Variants in RNF214 observed in about 807,000 individuals in gnomAD.
RNF214 encodes ring finger protein 214.
A neutral mutation model predicts 75.9 loss-of-function variants in RNF214; 25 were observed. That is an observed-to-expected ratio of 0.33 (90% CI 0.24 to 0.46). The LOEUF is 0.46. Ranked by LOEUF, RNF214 falls within the 20% of genes least tolerant of loss-of-function variation. RNF214 has a pLI of 1.00. For synonymous variants in RNF214, 314 were observed against 308.8 expected, an observed-to-expected ratio of 1.02 and a Z score of -0.18; for missense variants, 725 against 857.5, an observed-to-expected ratio of 0.85 and a Z score of 1.93.
At chr11:117,272,436 G>T (rs116217134) in intron 6 of RNF214, among the ~76,000 whole-genome samples, 2 of 152,048 alleles carry the variant, frequency 1.3e-5, no homozygotes, top group African/African-American at 2.4e-5. Flanking sequence ...GGGTCAGTTG[G>T]GGGGGTAGGG....
chr11:117,250,532 CA>C lies in RNF214; in HGVS notation c.959+3592del, dbSNP rs576704482. 1.4e-3 allele frequency among the ~76,000 whole-genome samples: 211 copies of C among 149,920 alleles called. 1 individual carries two copies. The highest frequency in any genetic ancestry group is 4.8e-3 in the African/African-American group (195 of 41,014). On this transcript the variant is annotated intron_variant, in intron 6 of 14. Coordinates refer to ENST00000300650, the MANE Select transcript of RNF214 (RefSeq NM_207343.4). The stretch of plus-strand genomic sequence containing the variant: ...GTTAAGTGTCATGATGTAAATGTGG[CA>C]AAAAAAATGCAACAACTGGTAAATT...
chr11:117,255,098 T>C (rs530888289), intron 6 of RNF214, among the ~76,000 whole-genome samples: 164 of 152,286 alleles, frequency 1.1e-3, no homozygotes, highest in African/African-American at 3.4e-3. Context: ...GAACTCCTCT[T>C]CCTCAGAGGT....
Position 117,282,764 on chromosome 11 carries a change from G to A in RNF214, c.1864G>A (p.Ala622Thr), listed in dbSNP as rs773381685. The change falls in exon 13 of 15, where the codon GCC (alanine) becomes ACC (threonine). Residue 622 changes from alanine (A) to threonine (T), a missense_variant. Physicochemically the swap from Ala to Thr is moderately conservative, Grantham distance 58 (BLOSUM62 0). Around this residue, in one of 2 missense-constraint regions of RNF214, gnomAD observed 363 missense variants for 513.0 expected, o/e 0.71. Transcript: ENST00000300650. ...CCTACAGCCACTTGGTCGCATCCGG[G>A]CCTTGTTCCCTGCTCCACTGGCCCA... ...ASTQPLGRIR[A>T]LFPAPLAQIS... is the part of the protein sequence containing the mutation. 1.2e-6 allele frequency: 2 copies of A among 1,614,132 alleles called. No homozygotes were observed. Among genetic ancestry groups the A allele is most frequent in the Admixed American group, 1.7e-5 (1 of 60,020 alleles).
chr11:117,283,991 T>C (rs932044039), intron 14 of RNF214, among the ~76,000 whole-genome samples: 1 of 152,198 alleles, frequency 6.6e-6, no homozygotes, highest in African/African-American at 2.4e-5. Flanking sequence ...CAGTAAATTG[T>C]GGCTTAAACA....
chr11:117,258,639 A>G (rs995454529), intron 6 of RNF214, among the ~76,000 whole-genome samples: 1 of 151,996 alleles, frequency 6.6e-6, no homozygotes, highest in African/African-American at 2.4e-5. Context: ...AAAAATACAT[A>G]AATCTTAAGG....
At chr11:117,283,285 C>G in intron 14 of RNF214, 75 bp downstream of exon 14, 1 of 1,028,572 alleles carries the variant, frequency 9.7e-7, no homozygotes, top group South Asian at 1.4e-5. Context: ...TTCTCATTTT[C>G]TACTCTTTTT....
At chr11:117,241,773 A>G (rs1051164820) in intron 4 of RNF214, among the ~76,000 whole-genome samples, 12 of 152,108 alleles carry the variant, frequency 7.9e-5, no homozygotes, top group Non-Finnish European at 1.0e-4. Flanking sequence ...TTTTGATACT[A>G]TTTTGATACT....
intron 1 of RNF214, among the ~76,000 whole-genome samples, chr11:117,233,228 G>T (rs1221899767): frequency 6.6e-6 from 1 of 152,236 alleles, no homozygotes; most frequent in Non-Finnish European, 1.5e-5. Context: ...ACCGGGCGCA[G>T]AGGACCCCCC....
At chr11:117,250,369 T>G (rs980521284) in intron 6 of RNF214, among the ~76,000 whole-genome samples, 2 of 152,228 alleles carry the variant, frequency 1.3e-5, no homozygotes, top group Non-Finnish European at 2.9e-5. Context: ...GTCAGTGTTA[T>G]GTATTTTGGG....
chr11:117,281,161 A>G (rs1392756339), intron 8 of RNF214, among the ~76,000 whole-genome samples, 153 bp from the exon 9 acceptor site: 1 of 151,540 alleles, frequency 6.6e-6, no homozygotes, highest in Non-Finnish European at 1.5e-5. Flanking sequence ...TTTTTAAGAG[A>G]CAGGGTTTAG....
chr11:117,266,035 A>G (rs1035184086), intron 6 of RNF214, among the ~76,000 whole-genome samples: 1 of 152,238 alleles, frequency 6.6e-6, no homozygotes, highest in Admixed American at 6.5e-5. Context: ...GGTGGTAGAT[A>G]TCAATAGTTT....
In RNF214 at chr11:117,234,311, C is replaced by T. The variant is rs756176465; in HGVS notation, c.39C>T (p.Ala13=). The part of the protein sequence containing the change: ...ASEVAGVVAN[A]PSPPESSSLC... ...AGGTTGCTGGTGTTGTGGCCAATGC[C>T]CCCAGTCCTCCGGAATCTTCTAGTT... The change falls in exon 2 of 15, where the codon GCC becomes GCT. Residue 13 remains alanine, a synonymous_variant. Coordinates refer to ENST00000300650, the MANE Select transcript of RNF214 (RefSeq NM_207343.4). 1.5e-5 allele frequency: 25 copies of T among 1,614,044 alleles called. 1 individual carries two copies. The highest frequency in any genetic ancestry group is 2.1e-5 in the Non-Finnish European group (25 of 1,180,022).
At chr11:117,262,422 C>T (rs1279580694) in intron 6 of RNF214, among the ~76,000 whole-genome samples, 1 of 151,888 alleles carries the variant, frequency 6.6e-6, no homozygotes, top group Non-Finnish European at 1.5e-5. Context: ...GCTTTGTTGC[C>T]CAGGCTGGGA....
rs1172182983 is a variant in RNF214 at position 117,263,108 on chromosome 11, CT to C, written c.959+16171del. ...AGGCGTGAGCCACTACGCCCAGCCA[CT>C]TTTTTTTTTTCCTTTTTATTCAGTC... On this transcript the variant is annotated intron_variant, in intron 6 of 14. Transcript: ENST00000300650. Among the ~76,000 whole-genome samples, 931 of 145,562 alleles carry C rather than the reference CT, an allele frequency of 6.4e-3. 10 individuals carry two copies. The highest frequency in any genetic ancestry group is 9.6e-3 in the Non-Finnish European group (631 of 65,858).
intron 2 of RNF214, among the ~76,000 whole-genome samples, chr11:117,235,353 C>G (rs185433085): frequency 6.6e-6 from 1 of 152,008 alleles, no homozygotes; most frequent in African/African-American, 2.4e-5. Flanking sequence ...CCCGCCACTA[C>G]GCCCGGCTAA....
In RNF214 at chr11:117,239,088, C is replaced by A; in HGVS notation, c.595C>A (p.Leu199Ile). 6.2e-7 allele frequency: 1 copy of A among 1,612,758 alleles called. No individual in the cohort carries two copies. The highest frequency in any genetic ancestry group is 8.5e-7 in the Non-Finnish European group (1 of 1,179,452). ...DDDQDSSSLK[L>I]SQNIAVQTDF... ...TGATCAAGATAGCTCTTCCCTGAAG[C>A]TTTCTCAGAACATTGCTGTACAGGT... Residue 199 changes from leucine (L) to isoleucine (I), a missense_variant, in exon 3 of 15, where the codon CTT becomes ATT. Around this residue, in one of 2 missense-constraint regions of RNF214, gnomAD observed 362 missense variants for 344.5 expected, o/e 1.05. Coordinates refer to ENST00000300650, the MANE Select transcript of RNF214 (RefSeq NM_207343.4).
chr11:117,245,838 A>G lies in RNF214; in HGVS notation c.820-971A>G, dbSNP rs149149017. Among the ~76,000 whole-genome samples, 205 of 152,346 alleles carry G rather than the reference A, an allele frequency of 1.3e-3. 1 individual carries two copies. Among genetic ancestry groups the G allele is most frequent in the African/African-American group, 4.8e-3 (198 of 41,588 alleles). On this transcript the variant is annotated intron_variant, in intron 5 of 14. Transcript: ENST00000300650. ...ACAACAACAAAGAAATGCATACCTA[A>G]GTATACATGTCTTTGTGTGAGCATA...
At chr11:117,236,937 A>G (rs1294553274) in intron 2 of RNF214, among the ~76,000 whole-genome samples, 1 of 152,242 alleles carries the variant, frequency 6.6e-6, no homozygotes, top group Non-Finnish European at 1.5e-5. Flanking sequence ...TCTGTTTTAC[A>G]AATGAGGTAA....
intron 6 of RNF214, among the ~76,000 whole-genome samples, chr11:117,250,193 G>A (rs553524817): frequency 2.0e-5 from 3 of 152,216 alleles, no homozygotes; most frequent in Admixed American, 6.5e-5. Flanking sequence ...GGCTTCCCAG[G>A]GAATATCATT....
Sources: gnomAD v4.1 joint callset for allele counts (sites outside exome capture counted in the v4.1 genomes callset) on GRCh38, gnomAD v4.1.1 for gene constraint, gnomAD v4.1.1 regional missense constraint, MANE v1.5 for transcripts, NCBI Gene and HGNC (gene_info 2026-07-23, HGNC 2026-07-21) for gene names.